The following TLK1 variants were observed in gnomAD, a reference collection of about 807,000 sequenced individuals.
TLK1 encodes the protein tousled like kinase 1.
Under a neutral mutation model 105.3 loss-of-function variants are expected in TLK1, and 24 were observed. The ratio of observed to expected loss-of-function variants is 0.23; its 90% CI spans 0.17 to 0.32. The LOEUF (loss-of-function observed/expected upper bound fraction) is 0.32. TLK1 is among the 10% of genes least tolerant of loss of function. TLK1 has a pLI of 1.00. For missense variants in TLK1, 558 were observed against 910.5 expected, an observed-to-expected ratio of 0.61 and a Z score of 4.98; for synonymous variants, 321 against 310.4, an observed-to-expected ratio of 1.03 and a Z score of -0.36.
intron 3 of TLK1, among the ~76,000 whole-genome samples, chr2:171,078,969 G>A (rs1012866152): frequency 6.6e-6 from 1 of 152,068 alleles, no homozygotes; most frequent in African/African-American, 2.4e-5. Flanking sequence ...TCTTTACTAT[G>A]AAATACAAGG....
intron 8 of TLK1, 28 bp from the exon 9 acceptor site, chr2:171,050,202 G>T: frequency 2.0e-6 from 3 of 1,500,200 alleles, no homozygotes; most frequent in Non-Finnish European, 2.7e-6. Context: ...AATGCAAGAG[G>T]TCTAGACTGG....
intron 1 of TLK1, among the ~76,000 whole-genome samples, chr2:171,182,786 G>T (rs1692948468): frequency 6.6e-6 from 1 of 151,678 alleles, no homozygotes; most frequent in African/African-American, 2.4e-5. Context: ...CAGGTATGGT[G>T]GGGACATCCC....
intron 1 of TLK1, among the ~76,000 whole-genome samples, chr2:171,192,007 A>T (rs545061454): frequency 4.1e-4 from 62 of 152,140 alleles, no homozygotes; most frequent in Admixed American, 1.3e-3. Context: ...CATTTTGAAA[A>T]TTTTTGCCCT....
At chr2:170,996,074 T>C (rs965628282) in intron 20 of TLK1, among the ~76,000 whole-genome samples, 2 of 151,932 alleles carry the variant, frequency 1.3e-5, no homozygotes, top group African/African-American at 4.8e-5. Context: ...CATGGCTCAC[T>C]GCAGCCTTGA....
intron 1 of TLK1, among the ~76,000 whole-genome samples, chr2:171,167,911 G>A (rs189362830): frequency 2.6e-5 from 4 of 152,098 alleles, no homozygotes; most frequent in Non-Finnish European, 5.9e-5. Flanking sequence ...TGAATCAATA[G>A]TGTACCTCTT....
chr2:171,006,764 T>C (rs1156298142), intron 16 of TLK1, 36 bp downstream of exon 16: 2 of 1,597,468 alleles, frequency 1.3e-6, no homozygotes, highest in Non-Finnish European at 1.7e-6. Flanking sequence ...AGCAAGCATA[T>C]CTTTCCTTAA....
chr2:171,196,122 G>GTTTTTTTTT (rs570467416), intron 1 of TLK1, among the ~76,000 whole-genome samples: 1 of 141,184 alleles, frequency 7.1e-6, no homozygotes, highest in Non-Finnish European at 1.5e-5. Flanking sequence ...ATTGTAGCTG[G>GTTTTTTTTT]TTTTTTTTTT....
At chr2:170,996,828 T>TG in intron 19 of TLK1, 68 bp from the exon 20 acceptor site, 1 of 1,350,332 alleles carries the variant, frequency 7.4e-7, no homozygotes. Flanking sequence ...ATCATTTCTG[T>TG]TTAAGCGAAT....
At chr2:171,004,326 TC>T (rs1559336132) in intron 18 of TLK1, among the ~76,000 whole-genome samples, 1 of 151,522 alleles carries the variant, frequency 6.6e-6, no homozygotes, top group Non-Finnish European at 1.5e-5. Flanking sequence ...GTTGCAAATC[TC>T]CAAAAAATTT....
In TLK1 at chr2:171,049,894, G is replaced by A. The variant is rs17853077; in HGVS notation, c.900C>T (p.Leu300=). The A allele has an allele frequency of 3.6e-5, 58 of 1,613,682 alleles. No homozygotes were observed. The Admixed American group carries it at 3.8e-4, about 11-fold the overall frequency. ...CATGTCTAACTGTTGTAAAGTGCCC[G>A]AGGCGTAATCGATCTTGCATACTCT... is the stretch of plus-strand genomic sequence containing the variant. The part of the protein sequence containing the change: ...REKSMQDRLR[L]GHFTTVRHGA... The change falls in exon 10 of 21, where the codon CTC becomes CTT. Residue 300 remains leucine, a synonymous_variant. Transcript: ENST00000431350.
chr2:171,167,932 G>C (rs779422135), intron 1 of TLK1, among the ~76,000 whole-genome samples: 1 of 151,746 alleles, frequency 6.6e-6, no homozygotes, highest in South Asian at 2.1e-4. Context: ...AACAAAGCAG[G>C]CAACTTTGAA....
At chr2:171,180,236 G>T (rs2105307355) in intron 1 of TLK1, among the ~76,000 whole-genome samples, 1 of 151,348 alleles carries the variant, frequency 6.6e-6, no homozygotes. Flanking sequence ...AAAAAAAATT[G>T]CCCCCCGGGT....
At chr2:171,036,689 TCA>T (rs757000043) in intron 11 of TLK1, among the ~76,000 whole-genome samples, 10 of 152,226 alleles carry the variant, frequency 6.6e-5, no homozygotes, top group Admixed American at 1.3e-4. Context: ...TTCTCGAGTT[TCA>T]GTTTCACAGA....
intron 1 of TLK1, among the ~76,000 whole-genome samples, chr2:171,122,976 T>C (rs1014597451): frequency 2.0e-5 from 3 of 147,418 alleles, no homozygotes; most frequent in Non-Finnish European, 4.5e-5. Flanking sequence ...GAGGTAGAGG[T>C]TGCAGTGAGC....
chr2:171,199,912 A>C (rs1325161511), intron 1 of TLK1, among the ~76,000 whole-genome samples: 1 of 152,178 alleles, frequency 6.6e-6, no homozygotes, highest in East Asian at 1.9e-4. Flanking sequence ...GTAAAAAAAG[A>C]AGCTTTCCCA....
intron 1 of TLK1, among the ~76,000 whole-genome samples, chr2:171,171,515 A>G (rs1692725870): frequency 6.6e-6 from 1 of 152,066 alleles, no homozygotes; most frequent in African/African-American, 2.4e-5. Flanking sequence ...AAAAAAAAAA[A>G]AAAAAAGACA....
At chr2:171,088,311 G>A (rs1689071426) in intron 2 of TLK1, among the ~76,000 whole-genome samples, 2 of 151,918 alleles carry the variant, frequency 1.3e-5, no homozygotes, top group Admixed American at 6.6e-5. Context: ...CACCCTGAGC[G>A]ACTGAGACCC....
chr2:171,148,521 T>C (rs964463721), intron 1 of TLK1, among the ~76,000 whole-genome samples: 1 of 152,090 alleles, frequency 6.6e-6, no homozygotes, highest in Non-Finnish European at 1.5e-5. Flanking sequence ...GCAAAGTAAC[T>C]TTTAGGCAAT....
At chr2:171,145,180 C>T (rs56155163) in intron 1 of TLK1, among the ~76,000 whole-genome samples, 19,914 of 151,816 alleles carry the variant, frequency 0.13, 2,208 homozygotes, top group African/African-American at 0.3. Context: ...TGGAGATGCA[C>T]GCATGTAGTC....
Sources: gnomAD v4.1 joint callset for allele counts (sites outside exome capture counted in the v4.1 genomes callset) on GRCh38, gnomAD v4.1.1 for gene constraint, MANE v1.5 for transcripts, NCBI Gene and HGNC (gene_info 2026-07-23, HGNC 2026-07-21) for gene names.